Variants in PRKCD observed in about 807,000 individuals in gnomAD.
PRKCD encodes the protein protein kinase C delta type.
A neutral mutation model predicts 82.2 loss-of-function variants in PRKCD; 20 were observed. The observed-to-expected ratio is 0.24, with a 90% confidence interval of 0.17 to 0.35. The LOEUF is 0.35. Among genes scored for constraint, PRKCD ranks in the 10% least tolerant of loss-of-function variants. The probability of loss-of-function intolerance (pLI) is 1.00; values close to 1 mark genes in which losing one functional copy is unlikely to be tolerated. For synonymous variants in PRKCD, 317 were observed against 337.0 expected (o/e 0.94, Z 0.65); for missense variants, 607 against 899.0 (o/e 0.68, Z 4.15).
rs782445373 is a variant in PRKCD, at chr3:53,179,560, G to A, written c.116-17G>A. 1.9e-6 allele frequency: 3 copies of A among 1,613,988 alleles called. No homozygotes were observed. The highest frequency in any genetic ancestry group is 2.5e-6 in the Non-Finnish European group (3 of 1,179,994). ...GAGGGGCCATGGCCCAACCTTCTCT[G>A]CCTGGCCTTGTTGCAGAGCGTGGGA... On this transcript the variant is annotated splice_polypyrimidine_tract_variant and intron_variant, in intron 3 of 18. Transcript: ENST00000330452.
rs1702933242 is a variant in PRKCD, at chr3:53,169,148, G to A, written c.-20+3933G>A. Among the ~76,000 whole-genome samples the A allele has an allele frequency of 6.6e-6, 1 of 152,114 alleles. No homozygotes were observed. The highest frequency in any genetic ancestry group is 1.5e-5 in the Non-Finnish European group (1 of 68,014). ...GGGGAGCTGTCTGGCCTGAGCCACT[G>A]CCTGAGCTCGTGCACTCCTAGTGGA... On this transcript the variant is annotated intron_variant, in intron 2 of 18. Coordinates refer to ENST00000330452, the MANE Select transcript of PRKCD (RefSeq NM_006254.4). This position sits in a 1 kb window ranked among gnomAD's most constrained non-coding sequence, Gnocchi z 4.7.
At chr3:53,163,224 G>A (rs1553663346) in intron 1 of PRKCD, among the ~76,000 whole-genome samples, 1 of 152,036 alleles carries the variant, frequency 6.6e-6, no homozygotes, top group African/African-American at 2.4e-5. Context: ...TGTGACTGGT[G>A]GGACACAGTC....
At chr3:53,179,036 T>C (rs145382434) in intron 3 of PRKCD, among the ~76,000 whole-genome samples, 201 of 152,334 alleles carry the variant, frequency 1.3e-3, no homozygotes, top group Middle Eastern at 6.8e-3. Flanking sequence ...CCTGGCCTGG[T>C]GAACCCCTAT....
At chr3:53,181,876 A>C in intron 7 of PRKCD, 144 bp downstream of exon 7, 1 of 1,240,546 alleles carries the variant, frequency 8.1e-7, no homozygotes, top group Non-Finnish European at 1.2e-6. Context: ...AGCTGAGTTC[A>C]GTGAGTGCTG....
In PRKCD at chr3:53,169,515, G is replaced by A. The variant is rs763627761; in HGVS notation, c.-20+4300G>A. On this transcript the variant is annotated intron_variant, in intron 2 of 18. Coordinates refer to ENST00000330452, the MANE Select transcript of PRKCD (RefSeq NM_006254.4). The surrounding 1 kb of genome is among the most constrained non-coding windows in gnomAD (Gnocchi z 4.7). ...GAAGCTTTGGATCATGTCTATGGCC[G>A]TGTTGGGTAAACAGGCAGAGCAGAG... is the stretch of plus-strand genomic sequence containing the variant. Among the ~76,000 whole-genome samples the A allele has an allele frequency of 4.6e-5, 7 of 152,174 alleles. No individual in the cohort carries two copies. The highest frequency in any genetic ancestry group is 7.2e-5 in the African/African-American group (3 of 41,442).
Position 53,161,355 on chromosome 3 carries a change from C to G in PRKCD, c.-205C>G, listed in dbSNP as rs1702647894. 6.7e-6 allele frequency: 1 copy of G among 150,282 alleles called. No homozygotes were observed. Among genetic ancestry groups the G allele is most frequent in the South Asian group, 2.1e-4 (1 of 4,810 alleles). 9.3% of individuals were successfully genotyped at this position (150,282 alleles called of 1,614,324 possible). On this transcript the variant is annotated 5_prime_UTR_variant, in exon 1 of 19. Transcript: ENST00000330452. ...TCCCAGTCAGCGCCGCGCCGAACCC[C>G]GTCCGCGCGCGCCGGGGAGCGGCGC...
intron 3 of PRKCD, 164 bp from the exon 4 acceptor site, chr3:53,179,413 C>T (rs1197545306): frequency 2.3e-6 from 2 of 852,202 alleles, no homozygotes; most frequent in Non-Finnish European, 4.0e-6. Flanking sequence ...GAGGACCTAG[C>T]AGGGTGCCCA....
chr3:53,169,110 G>T lies in PRKCD; in HGVS notation c.-20+3895G>T, dbSNP rs1702931392. On this transcript the variant is annotated intron_variant, in intron 2 of 18. Coordinates refer to ENST00000330452, the MANE Select transcript of PRKCD (RefSeq NM_006254.4). This position sits in a 1 kb window ranked among gnomAD's most constrained non-coding sequence, Gnocchi z 4.7. ...CAGCGGCAGACGGGATGGCCTTATT[G>T]TGTGGGGAGCAGGGGGAGCTGTCTG... Among the ~76,000 whole-genome samples, 1 of 152,122 alleles carries T rather than the reference G, an allele frequency of 6.6e-6. No individual in the cohort carries two copies.
intron 9 of PRKCD, among the ~76,000 whole-genome samples, chr3:53,184,444 G>A (rs1553668529): frequency 6.6e-6 from 1 of 152,128 alleles, no homozygotes; most frequent in Non-Finnish European, 1.5e-5. Context: ...GGGAGGCCGA[G>A]GCAGGTGGAT....
chr3:53,170,548 T>A (rs1195474669), intron 2 of PRKCD, among the ~76,000 whole-genome samples: 2 of 152,244 alleles, frequency 1.3e-5, no homozygotes, highest in African/African-American at 4.8e-5. Flanking sequence ...TGCCCAGTGA[T>A]GTGCCTGACC....
At chr3:53,188,214 A>AAAAAAAAAAAAAT in intron 15 of PRKCD, among the ~76,000 whole-genome samples, 1 of 148,836 alleles carries the variant, frequency 6.7e-6, no homozygotes, top group East Asian at 2.0e-4. Context: ...AAAAAAAAAA[A>AAAAAAAAAAAAAT]GGTGGGAGCG....
At chr3:53,187,224 G>A (rs559253382) in intron 14 of PRKCD, 116 bp from the exon 15 acceptor site, 81 of 1,136,422 alleles carry the variant, frequency 7.1e-5, no homozygotes, top group Non-Finnish European at 1.1e-4. Flanking sequence ...TGCTCAGGTG[G>A]TCCATGGAGT....
At chr3:53,162,425 G>A (rs1215148420) in intron 1 of PRKCD, among the ~76,000 whole-genome samples, 1 of 152,160 alleles carries the variant, frequency 6.6e-6, no homozygotes, top group Non-Finnish European at 1.5e-5. Context: ...GTGAGTGGGC[G>A]GGGGGTCCCC....
At chr3:53,185,722 C>T (rs1703652704) in intron 11 of PRKCD, 22 bp downstream of exon 11, 1 of 1,609,618 alleles carries the variant, frequency 6.2e-7, no homozygotes, top group South Asian at 1.1e-5. Flanking sequence ...TCCATTGCCC[C>T]ATTACGGTTT....
At chr3:53,191,133 G>A (rs1236314686) in intron 18 of PRKCD, among the ~76,000 whole-genome samples, 4 of 152,132 alleles carry the variant, frequency 2.6e-5, no homozygotes, top group African/African-American at 7.2e-5. Context: ...AGTTCAGGCC[G>A]GGCACAGTGG....
chr3:53,188,446 G>A (rs1553669865), intron 15 of PRKCD, among the ~76,000 whole-genome samples: 3 of 152,196 alleles, frequency 2.0e-5, no homozygotes, highest in African/African-American at 7.2e-5. Flanking sequence ...TGACTGCTAG[G>A]GGACCCTGGG....
At position 53,188,774 on chromosome 3, in the gene PRKCD, C is replaced by T. The variant is rs781875657; in HGVS notation, c.1470C>T (p.Ala490=). ...ACCGGGATGGCCACATCAAGATTGC[C>T]GACTTTGGGATGTGCAAAGAGAACA... ...LLDRDGHIKI[A]DFGMCKENIF... is the part of the protein sequence containing the mutation. Residue 490 remains alanine, a synonymous_variant, in exon 16 of 19, where the codon GCC becomes GCT. Coordinates refer to ENST00000330452, the MANE Select transcript of PRKCD (RefSeq NM_006254.4). 110 of 1,614,062 alleles carry T rather than the reference C, an allele frequency of 6.8e-5. No homozygotes were observed. Among genetic ancestry groups the T allele is most frequent in the Non-Finnish European group, 8.0e-5 (94 of 1,180,040 alleles).
intron 4 of PRKCD, 75 bp downstream of exon 4, chr3:53,179,851 C>G: frequency 4.6e-6 from 7 of 1,514,656 alleles, no homozygotes; most frequent in Non-Finnish European, 6.2e-6. Flanking sequence ...CATGTGTGTG[C>G]GTGCACACAC....
intron 15 of PRKCD, 43 bp downstream of exon 15, chr3:53,187,445 C>T: frequency 3.1e-6 from 5 of 1,597,264 alleles, no homozygotes; most frequent in Non-Finnish European, 3.4e-6. Context: ...AGGGGAGGCT[C>T]CAGCCCCATC....
Sources: gnomAD v4.1 joint callset for allele counts (sites outside exome capture counted in the v4.1 genomes callset) on GRCh38, gnomAD v4.1.1 for gene constraint, Gnocchi (gnomAD v3.1) non-coding constraint, MANE v1.5 for transcripts, NCBI Gene and HGNC (gene_info 2026-07-23, HGNC 2026-07-21) for gene names.